ANKRD26: variants seen among roughly 807,000 people sequenced by gnomAD.
ANKRD26 encodes the protein ankyrin repeat domain 26.
ANKRD26 carries 141 observed loss-of-function variants against 208.7 expected under a neutral mutation model. That is an observed-to-expected ratio of 0.68 (90% CI 0.59 to 0.78). The LOEUF (loss-of-function observed/expected upper bound fraction) is 0.78, where lower values mean the gene tolerates loss of function less well. Ranked by LOEUF, ANKRD26 falls within the 30% of genes least tolerant of loss-of-function variation. The pLI, the probability that ANKRD26 is intolerant of heterozygous loss-of-function variation, is 0.00. For missense variants in ANKRD26, 1,889 were observed against 1,938.7 expected, an observed-to-expected ratio of 0.97 and a Z score of 0.48; for synonymous variants, 636 against 660.4, an observed-to-expected ratio of 0.96 and a Z score of 0.57.
At chr10:27,060,252 A>T in intron 15 of ANKRD26, 93 bp downstream of exon 15, 1 of 1,216,344 alleles carries the variant, frequency 8.2e-7, no homozygotes, top group Non-Finnish European at 1.2e-6. Flanking sequence ...GGAGAAAAAA[A>T]GAATTAGGAA....
intron 25 of ANKRD26, 95 bp from the exon 26 acceptor site, chr10:27,029,451 T>A: frequency 9.0e-7 from 1 of 1,114,750 alleles, no homozygotes; most frequent in Non-Finnish European, 1.3e-6. Flanking sequence ...CGGAACACAG[T>A]CATACCCCTT....
chr10:27,082,423 C>A (rs894022894), intron 6 of ANKRD26, among the ~76,000 whole-genome samples: 4 of 152,184 alleles, frequency 2.6e-5, no homozygotes, highest in Non-Finnish European at 4.4e-5. Context: ...ACTAACCAGG[C>A]TCCTAAGAAA....
chr10:27,065,859 C>CTTTTTTTTTTTT (rs767106612), intron 11 of ANKRD26, among the ~76,000 whole-genome samples: 2 of 72,960 alleles, frequency 2.7e-5, no homozygotes, highest in East Asian at 4.6e-4. Flanking sequence ...ATAATTCTTT[C>CTTTTTTTTTTTT]TTTTTTTTTT....
intron 32 of ANKRD26, among the ~76,000 whole-genome samples, chr10:27,009,840 C>T (rs958719387): frequency 2.0e-5 from 3 of 151,930 alleles, no homozygotes; most frequent in Admixed American, 6.6e-5. Context: ...GCCTGAGGTC[C>T]AACATTAATA....
At chr10:27,024,700 G>A (rs1417702495) in intron 27 of ANKRD26, 141 bp from the exon 28 acceptor site, 4 of 455,574 alleles carry the variant, frequency 8.8e-6, no homozygotes, top group Non-Finnish European at 1.2e-5. Context: ...CAATAAGAAC[G>A]GATTTGAAAA....
chr10:27,057,004 T>A lies in ANKRD26; in HGVS notation c.1564+3341A>T, dbSNP rs574531697. ...CCCAGTTCTGCGGATGCTGACTGAT[T>A]TTTGGTCACTGACTGTGATACAGAT... On this transcript the variant is annotated intron_variant, in intron 15 of 33. Transcript: ENST00000376087. 3.0e-4 allele frequency among the ~76,000 whole-genome samples: 45 copies of A among 152,308 alleles called. No individual in the cohort carries two copies. In the South Asian group the frequency reaches 9.3e-3, roughly 32 times the overall value.
chr10:26,960,532 G>A, the ANKRD26 span, among the ~76,000 whole-genome samples: 1 of 152,192 alleles, frequency 6.6e-6, no homozygotes, highest in Non-Finnish European at 1.5e-5. Context: ...CACCCAGCCA[G>A]GCTCTGCCCA....
intron 25 of ANKRD26, 143 bp downstream of exon 25, chr10:27,033,082 C>CAA (rs34308599): frequency 1.4e-3 from 473 of 342,024 alleles, no homozygotes; most frequent in Middle Eastern, 4.5e-3. Flanking sequence ...GACTCCATCT[C>CAA]AAAAAAAAAA....
At chr10:26,993,173 G>C (rs541216381) in intron 5 of ANKRD26, among the ~76,000 whole-genome samples, 12 of 152,332 alleles carry the variant, frequency 7.9e-5, no homozygotes, top group African/African-American at 2.9e-4. Context: ...AGCGTTGCTA[G>C]TTTGGCAGGG....
chr10:26,951,013 C>CTTTTTTTTTTTTTTTTTTTTTTT, the ANKRD26 span, among the ~76,000 whole-genome samples: 88 of 100,894 alleles, frequency 8.7e-4, 7 homozygotes, highest in African/African-American at 3.9e-3. Flanking sequence ...CTTTTCTTTT[C>CTTTTTTTTTTTTTTTTTTTTTTT]TTTTTCTTTT....
rs777124941 is a variant in ANKRD26 at position 27,035,222 on chromosome 10, T to C, written c.3228A>G (p.Leu1076=). Reference sequence around the variant, plus strand: ...CTCTCGTGTGATGGAACTCAATTTCTAGGCTATTGAGTTTACTTTCAGTTT... The same window carrying C: ...CTCTCGTGTGATGGAACTCAATTTCCAGGCTATTGAGTTTACTTTCAGTTT... The part of the protein sequence containing the change: ...LFKTESKLNS[L]EIEFHHTRDA... Residue 1076 remains leucine (L), a synonymous_variant, in exon 24 of 34, where the codon CTA becomes CTG. Coordinates refer to ENST00000376087, the MANE Select transcript of ANKRD26 (RefSeq NM_014915.3). 6.2e-7 allele frequency: 1 copy of C among 1,614,070 alleles called. No homozygotes were observed. Among genetic ancestry groups the C allele is most frequent in the South Asian group, 1.1e-5 (1 of 91,080 alleles).
chr10:26,971,906 T>C (rs2052148243), downstream of ANKRD26, among the ~76,000 whole-genome samples: 1 of 152,046 alleles, frequency 6.6e-6, no homozygotes, highest in Admixed American at 6.6e-5. Flanking sequence ...CATAAGCACT[T>C]GCCAGAAGTT....
Position 27,013,453 on chromosome 10 carries a change from A to C in ANKRD26, c.4725-343T>G, listed in dbSNP as rs765412845. On this transcript the variant is annotated intron_variant, in intron 31 of 33. Coordinates refer to ENST00000376087, the MANE Select transcript of ANKRD26 (RefSeq NM_014915.3). ...GGTAAGATTCCTGAGGATGCCATTA[A>C]AAATACTTGTCTTTAAAGGGTAAAT... Among the ~76,000 whole-genome samples, 147 of 152,228 alleles carry C rather than the reference A, an allele frequency of 9.7e-4. 3 individuals are homozygous for C. Among genetic ancestry groups the C allele is most frequent in the South Asian group, 1.2e-3 (6 of 4,834 alleles).
intron 12 of ANKRD26, chr10:27,062,248 C>A (rs1413108542): frequency 1.0e-6 from 1 of 966,266 alleles, no homozygotes; most frequent in Non-Finnish European, 1.2e-6. Context: ...TTCTCCATCT[C>A]TTTGTTTCTT....
At chr10:27,039,379 GGGAGGC>G (rs2054152066) in intron 21 of ANKRD26, among the ~76,000 whole-genome samples, 1 of 151,882 alleles carries the variant, frequency 6.6e-6, no homozygotes, top group Admixed American at 6.6e-5. Context: ...GCTTAAACCT[GGGAGGC>G]GGAGGTTACA....
At chr10:27,056,977 GTC>G (rs2054860258) in intron 15 of ANKRD26, among the ~76,000 whole-genome samples, 1 of 152,010 alleles carries the variant, frequency 6.6e-6, no homozygotes. Context: ...TTAGCTGTTT[GTC>G]CCAGTTCTGC....
chr10:26,996,212 C>G (rs546470869), intron 4 of ANKRD26, among the ~76,000 whole-genome samples: 1 of 151,984 alleles, frequency 6.6e-6, no homozygotes, highest in South Asian at 2.1e-4. Flanking sequence ...TTTGGGAGAT[C>G]AAGAAGAGAG....
rs749989254 is a variant in ANKRD26 at position 27,034,997 on chromosome 10, A to C, written c.3453T>G (p.Asp1151Glu). Reference sequence around the variant, plus strand: ...TATTGTCAGCCTTGTTGTGGGCATCATCCAGTTGTTGTCGAAGCAACATAT... The same window carrying C: ...TATTGTCAGCCTTGTTGTGGGCATCCTCCAGTTGTTGTCGAAGCAACATAT... ...SENMLLRQQL[D>E]DAHNKADNKE... is the part of the protein sequence containing the mutation. The change falls in exon 24 of 34, where the codon GAT becomes GAG. Residue 1151 changes from aspartate to glutamate, a missense_variant. Asp to Glu is a conservative substitution (Grantham distance 45). Around this residue, in one of 3 missense-constraint regions of ANKRD26, gnomAD observed 613 missense variants for 648.2 expected, o/e 0.95. Coordinates refer to ENST00000376087, the MANE Select transcript of ANKRD26 (RefSeq NM_014915.3). 1 of 1,614,080 alleles carries C rather than the reference A, an allele frequency of 6.2e-7. No individual in the cohort carries two copies. Among genetic ancestry groups the C allele is most frequent in the Admixed American group, 1.7e-5 (1 of 60,016 alleles).
At chr10:27,000,796 G>A (rs768896194), downstream of ANKRD26, among the ~76,000 whole-genome samples, 7 of 152,166 alleles carry the variant, frequency 4.6e-5, no homozygotes, top group Non-Finnish European at 1.0e-4. Context: ...CTGAGGTCAG[G>A]AGATCGAGAC....
Sources: allele counts gnomAD v4.1 joint callset (sites outside exome capture counted in the v4.1 genomes callset), GRCh38; gene constraint gnomAD v4.1.1; regional missense constraint gnomAD v4.1.1; transcripts MANE v1.5; gene names NCBI Gene and HGNC (gene_info 2026-07-23, HGNC 2026-07-21).